SLC9C2: variants seen among roughly 807,000 people sequenced by gnomAD.
SLC9C2 encodes the protein solute carrier family 9 member C2 (putative), also known as sodium/hydrogen exchanger 11.
In SLC9C2, 75 loss-of-function variants were observed where a neutral mutation model predicts 140.2. The observed-to-expected ratio is 0.53, with a 90% CI of 0.44 to 0.65. The LOEUF is 0.65. SLC9C2 is among the 30% of genes least tolerant of loss of function. The probability of loss-of-function intolerance (pLI) is 0.00; values close to 1 mark genes in which losing one functional copy is unlikely to be tolerated. For missense variants in SLC9C2, 1,074 were observed against 1,331.8 expected, an observed-to-expected ratio of 0.81 and a Z score of 3.01; for synonymous variants, 375 against 420.9, an observed-to-expected ratio of 0.89 and a Z score of 1.34.
At position 173,530,063 on chromosome 1, in the gene SLC9C2, A is replaced by G. The variant is rs1175413674; in HGVS notation, c.2164-9T>C. The G allele has an allele frequency of 6.4e-7, 1 of 1,572,938 alleles. No individual in the cohort carries two copies. The highest frequency in any genetic ancestry group is 2.1e-5 in the Admixed American group (1 of 47,634). On this transcript the variant is annotated splice_polypyrimidine_tract_variant and intron_variant, in intron 17 of 27. Coordinates refer to ENST00000367714, the MANE Select transcript of SLC9C2 (RefSeq NM_178527.4). The stretch of plus-strand genomic sequence containing the variant: ...AGTATTGGTACTATTATCTGGAATA[A>G]TGAGAAGAAGAAAAAAAAACCTGTA...
intron 24 of SLC9C2, among the ~76,000 whole-genome samples, chr1:173,507,436 GTC>G (rs1659726625): frequency 6.6e-6 from 1 of 152,096 alleles, no homozygotes; most frequent in Non-Finnish European, 1.5e-5. Flanking sequence ...GCAAGCTAGA[GTC>G]TGAGCTATAC....
At position 173,508,720 on chromosome 1, in the gene SLC9C2, C is replaced by A. The variant is rs186147491; in HGVS notation, c.3039+848G>T. 2.2e-3 allele frequency among the ~76,000 whole-genome samples: 336 copies of A among 152,306 alleles called. 4 individuals carry two copies. The highest frequency in any genetic ancestry group is 7.8e-3 in the African/African-American group (325 of 41,562). On this transcript the variant is annotated intron_variant, in intron 24 of 27. Coordinates refer to ENST00000367714, the MANE Select transcript of SLC9C2 (RefSeq NM_178527.4). ...TGAACTTCCAATCTTTCCCAGTTCA[C>A]TTCCCCAGTTCCTGACTCACTAGCT...
chr1:173,509,455 A>C lies in SLC9C2; in HGVS notation c.3039+113T>G. 4 of 1,095,080 alleles carry C rather than the reference A, an allele frequency of 3.7e-6. No homozygotes were observed. In the South Asian group the frequency reaches 7.0e-5, roughly 19 times the overall value. 67.8% of individuals were successfully genotyped at this position (1,095,080 alleles called of 1,614,324 possible). On this transcript the variant is annotated intron_variant, in intron 24 of 27. Coordinates refer to ENST00000367714, the MANE Select transcript of SLC9C2 (RefSeq NM_178527.4). ...GTGAGCCTCTGTCTCAAAAAAAAAA[A>C]AAATCAAACACAAATTTCCTTTCTA...
At chr1:173,515,521 G>A (rs1178739813) in intron 23 of SLC9C2, among the ~76,000 whole-genome samples, 11 of 152,144 alleles carry the variant, frequency 7.2e-5, no homozygotes, top group Admixed American at 7.2e-4. Context: ...GGTCATCTAT[G>A]TTCCTTTCTA....
chr1:173,561,551 A>G (rs73029304), intron 9 of SLC9C2, among the ~76,000 whole-genome samples: 2,360 of 152,210 alleles, frequency 0.016, 72 homozygotes, highest in African/African-American at 0.055. Context: ...ACTGGGGGGA[A>G]GCTTGTCAGA....
rs950705938 is a variant in SLC9C2, at chr1:173,500,832, T to C, written c.*262A>G. On this transcript the variant is annotated 3_prime_UTR_variant, in exon 28 of 28. Coordinates refer to ENST00000367714, the MANE Select transcript of SLC9C2 (RefSeq NM_178527.4). ...ACAGGGTTTCATTTGGTAGGACATA[T>C]GTTTCAGTGTATTTTATATTATCCT... 18 of 255,686 alleles carry C rather than the reference T, an allele frequency of 7.0e-5. No homozygotes were observed. The allele number at this position is 255,686 out of a possible 1,614,324, so 15.8% of individuals were successfully genotyped here.
chr1:173,577,307 T>C (rs1665241769), intron 7 of SLC9C2, among the ~76,000 whole-genome samples: 1 of 152,108 alleles, frequency 6.6e-6, no homozygotes, highest in Non-Finnish European at 1.5e-5. Flanking sequence ...GTGCTGAGAG[T>C]TGTGAGCCAA....
rs1330994426 is a variant in SLC9C2 at position 173,507,000 on chromosome 1, A to G, written c.3081T>C (p.Tyr1027=). Residue 1027 remains tyrosine, a synonymous_variant, in exon 25 of 28, where the codon TAT becomes TAC. Transcript: ENST00000367714. ...FQNCVMFNQA[Y]VETLSSYSDM... is the part of the protein sequence containing the mutation. Reference sequence around the variant, plus strand: ...CACTATAGCTTGATAAAGTTTCCACATATGCTTGATTGAACATCACACAGT... The same window carrying G: ...CACTATAGCTTGATAAAGTTTCCACGTATGCTTGATTGAACATCACACAGT... The G allele has an allele frequency of 6.2e-7, 1 of 1,607,270 alleles. No individual in the cohort carries two copies. The highest frequency in any genetic ancestry group is 1.1e-5 in the South Asian group (1 of 89,268).
chr1:173,504,000 C>G (rs1659460521), intron 26 of SLC9C2, among the ~76,000 whole-genome samples: 1 of 152,226 alleles, frequency 6.6e-6, no homozygotes, highest in Non-Finnish European at 1.5e-5. Flanking sequence ...AGATCTCTGA[C>G]TCAATAGCCC....
At chr1:173,510,124 C>G (rs1407163758) in intron 23 of SLC9C2, among the ~76,000 whole-genome samples, 1 of 152,172 alleles carries the variant, frequency 6.6e-6, no homozygotes, top group Non-Finnish European at 1.5e-5. Context: ...ATTCAAGTTA[C>G]ACGAACTTCA....
chr1:173,596,386 T>C (rs1666457541), intron 4 of SLC9C2: 1 of 152,176 alleles, frequency 6.6e-6, no homozygotes, highest in African/African-American at 2.4e-5. Context: ...TTTTGCATTC[T>C]CACCAACAAT....
intron 5 of SLC9C2, among the ~76,000 whole-genome samples, chr1:173,586,616 C>T (rs190680608): frequency 5.1e-4 from 78 of 152,284 alleles, no homozygotes; most frequent in South Asian, 2.1e-3. Flanking sequence ...ATAGCAAAGA[C>T]ATGGAACCAA....
At chr1:173,521,475 T>TTA (rs1202933683) in intron 21 of SLC9C2, 76 bp from the exon 22 acceptor site, 1 of 260,884 alleles carries the variant, frequency 3.8e-6, no homozygotes, top group Non-Finnish European at 6.0e-6. Flanking sequence ...TCTAAATATT[T>TTA]TCTATATATA....
rs1665557242 is a variant in SLC9C2 at position 173,581,887 on chromosome 1, GA to G, written c.761del (p.Ile254ThrfsTer10). ...TGTACACCATTGAAAAGCAGAGAAT[GA>G]TATTAGTCAGCATATTGCTAAAAAC... is the stretch of plus-strand genomic sequence containing the variant. ...ADVFSNMLTNIILCFSMVYMT... is the reference protein window; with the variant it reads ...ADVFSNMLTNXILCFSMVYMT... On this transcript the variant is annotated frameshift_variant, in exon 7 of 28. Coordinates refer to ENST00000367714, the MANE Select transcript of SLC9C2 (RefSeq NM_178527.4). LOFTEE classifies it high-confidence loss of function. 1 of 1,597,496 alleles carries G rather than the reference GA, an allele frequency of 6.3e-7. No individual in the cohort carries two copies.
chr1:173,543,861 GGA>G (rs1420940094), intron 13 of SLC9C2, among the ~76,000 whole-genome samples: 1 of 152,030 alleles, frequency 6.6e-6, no homozygotes, highest in East Asian at 1.9e-4. Context: ...AATTCAAGAT[GGA>G]TTAAAGACTT....
chr1:173,510,178 C>T (rs1255137358), intron 23 of SLC9C2, among the ~76,000 whole-genome samples: 2 of 152,128 alleles, frequency 1.3e-5, no homozygotes, highest in Non-Finnish European at 2.9e-5. Flanking sequence ...GCCTTCTCTC[C>T]TCTTCCAAAA....
At chr1:173,532,087 T>G (rs1012631634) in intron 17 of SLC9C2, among the ~76,000 whole-genome samples, 2 of 152,186 alleles carry the variant, frequency 1.3e-5, no homozygotes, top group African/African-American at 4.8e-5. Context: ...TAAAGTTTGG[T>G]CACACCAATG....
chr1:173,506,793 TTTTAAAGTCAC>T, intron 25 of SLC9C2, 52 bp downstream of exon 25: 1 of 1,402,276 alleles, frequency 7.1e-7, no homozygotes, highest in Non-Finnish European at 9.8e-7. Flanking sequence ...ATCAGTTGAG[TTTTAAAGTCAC>T]TTTTGGAGCA....
chr1:173,525,203 T>G (rs1239591585), intron 19 of SLC9C2, among the ~76,000 whole-genome samples: 10 of 152,148 alleles, frequency 6.6e-5, no homozygotes, highest in African/African-American at 2.2e-4. Flanking sequence ...TGGAACTCAT[T>G]ACATTATCAT....
Sources: allele counts gnomAD v4.1 joint callset (sites outside exome capture counted in the v4.1 genomes callset), GRCh38; gene constraint gnomAD v4.1.1; transcripts MANE v1.5; gene names NCBI Gene and HGNC (gene_info 2026-07-23, HGNC 2026-07-21).